LAMC2: variants seen among roughly 807,000 people sequenced by gnomAD.
LAMC2 encodes the protein laminin subunit gamma 2, also known as laminin subunit gamma-2.
In LAMC2, 97 loss-of-function variants were observed where a neutral mutation model predicts 140.2. The ratio of observed to expected loss-of-function variants is 0.69; its 90% CI spans 0.59 to 0.82. LAMC2 has a LOEUF of 0.82. Ranked by LOEUF, LAMC2 falls within the 40% of genes least tolerant of loss-of-function variation. The pLI is 0.00. For synonymous variants in LAMC2, 513 were observed against 540.2 expected (o/e 0.95, Z 0.70); for missense variants, 1,402 against 1,476.1 (o/e 0.95, Z 0.82).
At chr1:183,200,850 C>T (rs1658685360) in intron 1 of LAMC2, among the ~76,000 whole-genome samples, 1 of 152,074 alleles carries the variant, frequency 6.6e-6, no homozygotes, top group African/African-American at 2.4e-5. Flanking sequence ...CTAAGAAGCA[C>T]CTTGAGGGTC....
intron 1 of LAMC2, among the ~76,000 whole-genome samples, chr1:183,202,627 G>A (rs1179936163): frequency 6.6e-6 from 1 of 152,082 alleles, no homozygotes; most frequent in Non-Finnish European, 1.5e-5. Flanking sequence ...TATGAAAATA[G>A]AACTAAAACA....
intron 22 of LAMC2, among the ~76,000 whole-genome samples, chr1:183,241,950 T>C (rs1418653381): frequency 6.6e-6 from 1 of 152,186 alleles, no homozygotes; most frequent in Admixed American, 6.5e-5. Flanking sequence ...AAACATTTAC[T>C]ATGTGTCAGA....
At chr1:183,186,603 G>T (rs897148809) in intron 1 of LAMC2, among the ~76,000 whole-genome samples, 172 bp downstream of exon 1, 3 of 152,164 alleles carry the variant, frequency 2.0e-5, no homozygotes, top group African/African-American at 4.8e-5. Flanking sequence ...TTTTAAATGA[G>T]ACTAATATAT....
rs1341688533 is a variant in LAMC2 at position 183,243,303 on chromosome 1, G to A, written c.3485G>A (p.Ser1162Asn). ...GGCCACCTCCATTTGCTGGAGACAA[G>A]CATAGATGGGATTCTGGCTGATGTG... The part of the protein sequence containing the change: ...QRGHLHLLET[S>N]IDGILADVKN... The change falls in exon 23 of 23, where the codon AGC becomes AAC. Residue 1162 changes from serine to asparagine, a missense_variant. Around this residue, in one of 3 missense-constraint regions of LAMC2, gnomAD observed 670 missense variants for 667.2 expected, o/e 1.00. Transcript: ENST00000264144. 1.1e-5 allele frequency: 18 copies of A among 1,614,186 alleles called. No homozygotes were observed. Among genetic ancestry groups the A allele is most frequent in the Non-Finnish European group, 1.4e-5 (17 of 1,180,034 alleles).
intron 1 of LAMC2, among the ~76,000 whole-genome samples, chr1:183,201,400 C>G (rs1471417523): frequency 1.3e-5 from 2 of 152,142 alleles, no homozygotes; most frequent in Non-Finnish European, 2.9e-5. Flanking sequence ...CTAGAATATA[C>G]TGAGCTTTTT....
intron 7 of LAMC2, among the ~76,000 whole-genome samples, chr1:183,224,084 G>C (rs1463845657): frequency 5.3e-5 from 8 of 152,144 alleles, no homozygotes; most frequent in Non-Finnish European, 8.8e-5. Context: ...TTTAGGGGTG[G>C]TGCATGTTCA....
chr1:183,231,364 G>A (rs1256273453), intron 12 of LAMC2, among the ~76,000 whole-genome samples: 1 of 152,158 alleles, frequency 6.6e-6, no homozygotes, highest in African/African-American at 2.4e-5. Flanking sequence ...ACTTAGTTGA[G>A]TTGAAAGGAA....
chr1:183,251,445 C>A, the LAMC2 span: 1 of 152,248 alleles, frequency 6.6e-6, no homozygotes, highest in African/African-American at 2.4e-5. Context: ...GCCCAACAGA[C>A]AATACATAAT....
At chr1:183,201,899 A>G (rs1049945068) in intron 1 of LAMC2, among the ~76,000 whole-genome samples, 4 of 152,238 alleles carry the variant, frequency 2.6e-5, no homozygotes, top group Admixed American at 2.0e-4. Flanking sequence ...AATAAGCATC[A>G]GTTTCATTAA....
At position 183,197,584 on chromosome 1, in the gene LAMC2, G is replaced by C. The variant is rs547366026; in HGVS notation, c.80-10297G>C. On this transcript the variant is annotated intron_variant, in intron 1 of 22. Transcript: ENST00000264144. Reference sequence around the variant, plus strand: ...CCAGCTACTTGGGAGGCTGAGGCAGGAGAATGGCGTGAACCTGGGAGGCGG... The same window carrying C: ...CCAGCTACTTGGGAGGCTGAGGCAGCAGAATGGCGTGAACCTGGGAGGCGG... Among the ~76,000 whole-genome samples, 33 of 152,096 alleles carry C rather than the reference G, an allele frequency of 2.2e-4. No homozygotes were observed. In the South Asian group the frequency reaches 6.9e-3, roughly 32 times the overall value.
Position 183,220,686 on chromosome 1 carries a change from C to T in LAMC2, c.504-139C>T. 9 of 847,378 alleles carry T rather than the reference C, an allele frequency of 1.1e-5. No individual in the cohort carries two copies. The Admixed American group carries it at 1.9e-4, about 18-fold the overall frequency. The allele number at this position is 847,378 out of a possible 1,614,324, so 52.5% of individuals were successfully genotyped here. ...GTGGTCTGGGGGTGGGGGTGATATG[C>T]AAAATCTGGTATTTCCCTCCTCTGA... On this transcript the variant is annotated intron_variant, in intron 4 of 22. Transcript: ENST00000264144.
At chr1:183,211,473 TTC>T (rs1240708898) in intron 2 of LAMC2, among the ~76,000 whole-genome samples, 3 of 152,162 alleles carry the variant, frequency 2.0e-5, no homozygotes, top group African/African-American at 7.2e-5. Context: ...AGGATGCAAA[TTC>T]TCTGTTTATA....
At chr1:183,197,631 G>A (rs1225343720) in intron 1 of LAMC2, among the ~76,000 whole-genome samples, 1 of 151,416 alleles carries the variant, frequency 6.6e-6, no homozygotes, top group Non-Finnish European at 1.5e-5. Context: ...AGCCGAGATC[G>A]TGCTACTGCA....
chr1:183,248,507 C>G (rs1023316640), downstream of LAMC2: 3 of 152,476 alleles, frequency 2.0e-5, no homozygotes, highest in Non-Finnish European at 4.4e-5. Context: ...AATCCTCAGC[C>G]CTGGGACTAG....
Position 183,222,142 on chromosome 1 carries a change from T to A in LAMC2, c.694T>A (p.Trp232Arg), listed in dbSNP as rs1263146249. 5 of 1,614,082 alleles carry A rather than the reference T, an allele frequency of 3.1e-6. No homozygotes were observed. The highest frequency in any genetic ancestry group is 1.7e-5 in the Admixed American group (1 of 60,018). The change falls in exon 6 of 23, where the codon TGG becomes AGG. Residue 232 changes from tryptophan to arginine, a missense_variant. By Grantham distance (101) the Trp-to-Arg change is moderately radical. Transcript: ENST00000264144. ...AAATGGGTCTCCTGCAAAGCTCCAA[T>A]GGTCACAGCGCCATCAAGATGTGTT... Reference protein sequence around the residue: ...QRNGSPAKLQWSQRHQDVFSS... With the variant: ...QRNGSPAKLQRSQRHQDVFSS...
In LAMC2 at chr1:183,228,589, T is replaced by C. The variant is rs771470911; in HGVS notation, c.1684T>C (p.Leu562=). ...QCKAGYFGDP[L]APNPADKCRA... ...CAAAGCAGGCTACTTCGGGGACCCATTGGCTCCCAACCCAGCAGACAAGTG... is the reference window on the plus strand; with the variant it reads ...CAAAGCAGGCTACTTCGGGGACCCACTGGCTCCCAACCCAGCAGACAAGTG... The change falls in exon 11 of 23, where the codon TTG becomes CTG. Residue 562 remains leucine, a synonymous_variant. Coordinates refer to ENST00000264144, the MANE Select transcript of LAMC2 (RefSeq NM_005562.3). The surrounding 1 kb of genome is among the most constrained non-coding windows in gnomAD (Gnocchi z 4.3). The C allele has an allele frequency of 6.2e-6, 10 of 1,613,890 alleles. No individual in the cohort carries two copies. The highest frequency in any genetic ancestry group is 5.3e-5 in the African/African-American group (4 of 74,866).
At chr1:183,240,512 T>G (rs1462277872) in intron 22 of LAMC2, 121 bp downstream of exon 22, 2 of 1,484,684 alleles carry the variant, frequency 1.3e-6, no homozygotes. Context: ...TATCAGTAAA[T>G]GTGCTTTGTT....
chr1:183,239,313 T>C, intron 19 of LAMC2, 51 bp from the exon 20 acceptor site: 2 of 1,528,264 alleles, frequency 1.3e-6, no homozygotes, highest in South Asian at 1.1e-5. Context: ...TTTCACTCAT[T>C]TGTAAATTTG....
chr1:183,252,653 A>G, the LAMC2 span: 11 of 1,613,358 alleles, frequency 6.8e-6, no homozygotes, highest in Non-Finnish European at 8.5e-6. Context: ...AGCCGGAGGC[A>G]TTGATGTACA....
Sources: gnomAD v4.1 joint callset for allele counts (sites outside exome capture counted in the v4.1 genomes callset) on GRCh38, gnomAD v4.1.1 for gene constraint, gnomAD v4.1.1 regional missense constraint, Gnocchi (gnomAD v3.1) non-coding constraint, MANE v1.5 for transcripts, NCBI Gene and HGNC (gene_info 2026-07-23, HGNC 2026-07-21) for gene names.